FSD2: variants seen among roughly 807,000 people sequenced by gnomAD.
FSD2 encodes the protein fibronectin type III and SPRY domain-containing protein 2.
FSD2 carries 71 observed loss-of-function variants against 80.4 expected under a neutral mutation model. That is an observed-to-expected ratio of 0.88 (90% CI 0.73 to 1.08). The LOEUF (loss-of-function observed/expected upper bound fraction) is 1.08. Among genes scored for constraint, FSD2 ranks in the 50% least tolerant of loss-of-function variants. The probability of loss-of-function intolerance (pLI) is 0.00; values close to 1 mark genes in which losing one functional copy is unlikely to be tolerated. For synonymous variants in FSD2, 361 were observed against 329.5 expected (o/e 1.10, Z -1.03); for missense variants, 923 against 913.8 (o/e 1.01, Z -0.13).
At chr15:82,780,298 G>A (rs1405575612) in intron 4 of FSD2, 31 bp from the exon 5 acceptor site, 22 of 1,413,010 alleles carry the variant, frequency 1.6e-5, no homozygotes, top group Non-Finnish European at 1.9e-5. Flanking sequence ...ATATTAAGTT[G>A]ATTTTGGAAA....
chr15:82,778,177 A>G (rs1446157574), intron 6 of FSD2, among the ~76,000 whole-genome samples: 1 of 133,712 alleles, frequency 7.5e-6, no homozygotes, highest in Non-Finnish European at 1.6e-5. Context: ...TACATGATCT[A>G]GTAATTCCTG....
intron 1 of FSD2, among the ~76,000 whole-genome samples, chr15:82,799,112 G>C (rs566618434): frequency 3.3e-5 from 5 of 152,184 alleles, no homozygotes; most frequent in Admixed American, 3.3e-4. Context: ...TCCTGCTTAA[G>C]CAATCCTCCC....
chr15:82,785,448 C>T (rs1431091254), intron 3 of FSD2, among the ~76,000 whole-genome samples: 1 of 151,920 alleles, frequency 6.6e-6, no homozygotes, highest in East Asian at 1.9e-4. Context: ...CCTCAGCCTC[C>T]CAAGTAGCTG....
intron 6 of FSD2, among the ~76,000 whole-genome samples, chr15:82,772,736 T>A (rs979582423): frequency 6.6e-6 from 1 of 152,236 alleles, no homozygotes; most frequent in Non-Finnish European, 1.5e-5. Context: ...GTCCATCTAC[T>A]AAGTTAATTC....
intron 4 of FSD2, among the ~76,000 whole-genome samples, chr15:82,781,431 C>A (rs1225272252): frequency 1.3e-5 from 2 of 152,248 alleles, no homozygotes; most frequent in African/African-American, 4.8e-5. Context: ...TACTCTTGGA[C>A]AATGTGGGGG....
chr15:82,792,057 G>T (rs1372608731), intron 1 of FSD2, among the ~76,000 whole-genome samples: 1 of 152,238 alleles, frequency 6.6e-6, no homozygotes, highest in African/African-American at 2.4e-5. Context: ...GGCTGCTAAA[G>T]ATGTTTTTGT....
At chr15:82,791,200 G>A (rs1199394201) in intron 1 of FSD2, among the ~76,000 whole-genome samples, 3 of 151,184 alleles carry the variant, frequency 2.0e-5, no homozygotes, top group Non-Finnish European at 2.9e-5. Flanking sequence ...GGGTTTCACC[G>A]TGTTAGCCAG....
intron 6 of FSD2, among the ~76,000 whole-genome samples, chr15:82,777,207 CA>C (rs1269392278): frequency 6.6e-6 from 1 of 152,032 alleles, no homozygotes; most frequent in Non-Finnish European, 1.5e-5. Context: ...AGCAACAAAA[CA>C]AAAAATAGGC....
intron 11 of FSD2, among the ~76,000 whole-genome samples, chr15:82,764,604 G>T (rs1038555956): frequency 6.9e-6 from 1 of 145,858 alleles, no homozygotes; most frequent in Non-Finnish European, 1.5e-5. Flanking sequence ...TCAGCCTCCC[G>T]AGTAGCTGGG....
rs879262495 is a variant in FSD2 at position 82,765,298 on chromosome 15, C to T, written c.1688G>A (p.Gly563Glu). 6.2e-7 allele frequency: 1 copy of T among 1,613,016 alleles called. No homozygotes were observed. The highest frequency in any genetic ancestry group is 8.5e-7 in the Non-Finnish European group (1 of 1,179,518). Residue 563 changes from glycine (G) to glutamate (E), a missense_variant and splice_region_variant, in exon 11 of 13, where the codon GGA becomes GAA. Transcript: ENST00000334574. ...RSEPATVHTI[G>E]SYFRLNKDTC... Reference sequence around the variant, plus strand: ...GTCCTTGTTTAGGCGAAAGTAGCTTCCTGTGGGAGGAGGAACACACAGAAG... The same window carrying T: ...GTCCTTGTTTAGGCGAAAGTAGCTTTCTGTGGGAGGAGGAACACACAGAAG...
chr15:82,778,157 T>TATATATATATATATATATATATATATAA (rs558795727), intron 6 of FSD2, among the ~76,000 whole-genome samples: 5 of 129,884 alleles, frequency 3.8e-5, no homozygotes, highest in African/African-American at 9.5e-5. Context: ...TATATATATA[T>TATATATATATATATATATATATATATAA]AATAACTATT....
chr15:82,770,440 G>A (rs1208488519), intron 7 of FSD2, among the ~76,000 whole-genome samples: 1 of 152,258 alleles, frequency 6.6e-6, no homozygotes, highest in East Asian at 1.9e-4. Flanking sequence ...GGGAGGCTGA[G>A]GCAGGTGAAT....
At chr15:82,788,504 C>CAA (rs11317915) in intron 1 of FSD2, among the ~76,000 whole-genome samples, 112 of 66,094 alleles carry the variant, frequency 1.7e-3, no homozygotes, top group Non-Finnish European at 1.9e-3. Context: ...GACCCTGTCT[C>CAA]AAAAAAAAAA....
chr15:82,771,939 G>C, intron 7 of FSD2, 134 bp downstream of exon 7: 1 of 940,648 alleles, frequency 1.1e-6, no homozygotes, highest in Non-Finnish European at 1.5e-6. Flanking sequence ...CTGTTCACCT[G>C]CCTGCATCCA....
At chr15:82,763,641 G>A (rs904509199) in intron 11 of FSD2, among the ~76,000 whole-genome samples, 32 of 150,760 alleles carry the variant, frequency 2.1e-4, no homozygotes, top group African/African-American at 7.1e-4. Flanking sequence ...ATGCTACTGC[G>A]TAGTCAAGCC....
At position 82,786,791 on chromosome 15, in the gene FSD2, A is replaced by C; in HGVS notation, c.600T>G (p.His200Gln). 6.2e-7 allele frequency: 1 copy of C among 1,614,036 alleles called. No individual in the cohort carries two copies. The highest frequency in any genetic ancestry group is 8.5e-7 in the Non-Finnish European group (1 of 1,179,896). ...GTGCTTCATTGAGTGGGATCACTTC[A>C]TGCTCCTTATGTTCATCAAAAACCT... ...FQKVFDEHKE[H>Q]EVIPLNEALE... Residue 200 changes from histidine to glutamine, a missense_variant, in exon 2 of 13, where the codon CAT (histidine) becomes CAG (glutamine). Coordinates refer to ENST00000334574, the MANE Select transcript of FSD2 (RefSeq NM_001007122.4).
intron 1 of FSD2, chr15:82,796,472 G>C (rs2050274030): frequency 6.5e-6 from 1 of 153,772 alleles, no homozygotes; most frequent in South Asian, 2.1e-4. Context: ...CGTATTAGGA[G>C]AACCAACGGA....
intron 4 of FSD2, among the ~76,000 whole-genome samples, chr15:82,781,483 T>TC (rs1198243320): frequency 2.0e-5 from 3 of 151,948 alleles, no homozygotes; most frequent in East Asian, 3.9e-4. Context: ...TGAAGGCCCC[T>TC]CCCCCACGCC....
intron 6 of FSD2, among the ~76,000 whole-genome samples, chr15:82,778,505 G>A (rs892053596): frequency 1.3e-5 from 2 of 152,098 alleles, no homozygotes; most frequent in Non-Finnish European, 2.9e-5. Context: ...CTTAGAAGCA[G>A]AGAACGGAAT....
Sources: allele counts gnomAD v4.1 joint callset (sites outside exome capture counted in the v4.1 genomes callset), GRCh38; gene constraint gnomAD v4.1.1; transcripts MANE v1.5; gene names NCBI Gene and HGNC (gene_info 2026-07-23, HGNC 2026-07-21).